The following DDX21 variants were observed in gnomAD, a reference collection of about 807,000 sequenced individuals.
DDX21 encodes the protein nucleolar RNA helicase 2.
DDX21 carries 18 observed loss-of-function variants against 90.0 expected under a neutral mutation model. The ratio of observed to expected loss-of-function variants is 0.20; its 90% CI spans 0.14 to 0.30. The LOEUF (loss-of-function observed/expected upper bound fraction) is 0.30. Among genes scored for constraint, DDX21 ranks in the 10% least tolerant of loss-of-function variants. DDX21 has a pLI of 1.00. For synonymous variants in DDX21, 294 were observed against 318.0 expected, an observed-to-expected ratio of 0.92 and a Z score of 0.80; for missense variants, 673 against 944.5, an observed-to-expected ratio of 0.71 and a Z score of 3.77.
At chr10:68,966,326 C>T (rs775949626) in intron 5 of DDX21, among the ~76,000 whole-genome samples, 6 of 151,732 alleles carry the variant, frequency 4.0e-5, no homozygotes, top group African/African-American at 1.5e-4. Context: ...CTGCCAGCCT[C>T]AGTCTCCCAA....
chr10:68,982,582 G>A lies in DDX21; in HGVS notation c.2122G>A (p.Ala708Thr). Residue 708 changes from alanine (A) to threonine (T), a missense_variant, in exon 15 of 15, where the codon GCC becomes ACC. By Grantham distance (58) the Ala-to-Thr change is moderately conservative (BLOSUM62 0). Around this residue, in one of 4 missense-constraint regions of DDX21, gnomAD observed 225 missense variants for 298.8 expected, o/e 0.75. Coordinates refer to ENST00000354185, the MANE Select transcript of DDX21 (RefSeq NM_004728.4). ...TTCACGACGCTGGCAGCTCTCTGTG[G>A]CCACAGAGCAACCAGAACTGGAAGG... The part of the protein sequence containing the change: ...HDSRRWQLSV[A>T]TEQPELEGPR... The A allele has an allele frequency of 1.9e-6, 3 of 1,613,446 alleles. No homozygotes were observed. The highest frequency in any genetic ancestry group is 1.7e-6 in the Non-Finnish European group (2 of 1,179,460).
Position 68,984,176 on chromosome 10 carries a change from G to A in DDX21, c.*1364G>A, listed in dbSNP as rs1238733908. ...GATTATTTCTGTACTGAGAATCCTG[G>A]AACTACTATGCTAGGAAATTTAAAG... On this transcript the variant is annotated 3_prime_UTR_variant, in exon 15 of 15. Coordinates refer to ENST00000354185, the MANE Select transcript of DDX21 (RefSeq NM_004728.4). 6.6e-6 allele frequency: 1 copy of A among 152,156 alleles called. No individual in the cohort carries two copies. Among genetic ancestry groups the A allele is most frequent in the Non-Finnish European group, 1.5e-5 (1 of 68,032 alleles). The allele number at this position is 152,156 out of a possible 1,614,324, so 9.4% of individuals were successfully genotyped here.
intron 4 of DDX21, among the ~76,000 whole-genome samples, chr10:68,964,461 C>T (rs1284025834): frequency 6.6e-6 from 1 of 152,124 alleles, no homozygotes; most frequent in African/African-American, 2.4e-5. Flanking sequence ...TGTAGCAGTT[C>T]AAGCAATTCT....
In DDX21 at chr10:68,960,391, G is replaced by A. The variant is rs966382494; in HGVS notation, c.531+142G>A. The A allele has an allele frequency of 1.1e-5, 8 of 730,700 alleles. No homozygotes were observed. The East Asian group carries it at 2.4e-4, about 22-fold the overall frequency. The allele number at this position is 730,700 out of a possible 1,614,324, so 45.3% of individuals were successfully genotyped here. On this transcript the variant is annotated intron_variant, in intron 2 of 14. Coordinates refer to ENST00000354185, the MANE Select transcript of DDX21 (RefSeq NM_004728.4). Reference sequence around the variant, plus strand: ...TGTGGGTTGGGGGATACCTTAGGCTGACTGGGACTTCATCTTAAAAATTAG... The same window carrying A: ...TGTGGGTTGGGGGATACCTTAGGCTAACTGGGACTTCATCTTAAAAATTAG...
At chr10:68,959,021 C>CA (rs975565082) in intron 1 of DDX21, among the ~76,000 whole-genome samples, 36 of 151,652 alleles carry the variant, frequency 2.4e-4, no homozygotes, top group African/African-American at 7.0e-4. Flanking sequence ...CTTAAAAAAA[C>CA]AAAAAAAATC....
chr10:68,970,046 C>T (rs1843000215), intron 7 of DDX21, among the ~76,000 whole-genome samples, 155 bp from the exon 8 acceptor site: 1 of 152,090 alleles, frequency 6.6e-6, no homozygotes, highest in African/African-American at 2.4e-5. Context: ...TTTTTTCTGT[C>T]AGTGGTGGCT....
intron 11 of DDX21, among the ~76,000 whole-genome samples, chr10:68,976,224 C>CA (rs1425546488): frequency 1.4e-5 from 2 of 144,308 alleles, no homozygotes; most frequent in East Asian, 2.0e-4. Context: ...GAGACTATCT[C>CA]AAAAAAAAGA....
chr10:68,977,810 G>A (rs1843125155), intron 12 of DDX21, 122 bp downstream of exon 12: 1 of 1,114,176 alleles, frequency 9.0e-7, no homozygotes, highest in Non-Finnish European at 1.2e-6. Flanking sequence ...AGTATTAATT[G>A]TATTTTACAA....
At chr10:68,960,951 T>C (rs530562976) in intron 2 of DDX21, among the ~76,000 whole-genome samples, 1 of 152,280 alleles carries the variant, frequency 6.6e-6, no homozygotes, top group Non-Finnish European at 1.5e-5. Context: ...AAATAAATTA[T>C]TGGAATTACT....
intron 4 of DDX21, chr10:68,964,262 T>C: frequency 3.7e-6 from 1 of 272,062 alleles, no homozygotes; most frequent in South Asian, 3.2e-5. Context: ...AATGCCCATG[T>C]AGTCACTTTG....
In DDX21 at chr10:68,959,925, G is replaced by T; in HGVS notation, c.207G>T (p.Met69Ile). ...KKKAEPSEVD[M>I]NSPKSKKAKK... The stretch of plus-strand genomic sequence containing the variant: ...AAGCAGAGCCTTCTGAAGTTGACAT[G>T]AATTCTCCTAAATCCAAAAAGGCAA... Residue 69 changes from methionine (M) to isoleucine (I), a missense_variant, in exon 2 of 15, where the codon ATG (methionine) becomes ATT (isoleucine). Transcript: ENST00000354185. 6.2e-7 allele frequency: 1 copy of T among 1,609,926 alleles called. No individual in the cohort carries two copies. Among genetic ancestry groups the T allele is most frequent in the South Asian group, 1.1e-5 (1 of 89,154 alleles).
rs1222665891 is a variant in DDX21 at position 68,984,034 on chromosome 10, C to T, written c.*1222C>T. ...AGTTGTTTTGAGGGAACTGAAGAAC[C>T]TGATGTAGCCCCTGGCCAGATAACT... On this transcript the variant is annotated 3_prime_UTR_variant, in exon 15 of 15. Transcript: ENST00000354185. The T allele has an allele frequency of 6.6e-6, 1 of 152,148 alleles. No homozygotes were observed. Among genetic ancestry groups the T allele is most frequent in the African/African-American group, 2.4e-5 (1 of 41,432 alleles). The allele number at this position is 152,148 out of a possible 1,614,324, so 9.4% of individuals were successfully genotyped here. A position where few individuals can be genotyped will look rare whatever the true frequency, so the allele number is the denominator to read the frequency against.
intron 2 of DDX21, among the ~76,000 whole-genome samples, chr10:68,960,977 A>G (rs550186128): frequency 1.3e-3 from 194 of 152,340 alleles, no homozygotes; most frequent in African/African-American, 4.3e-3. Context: ...GGTTGATTGC[A>G]TAAGTCCTTT....
At position 68,982,827 on chromosome 10, in the gene DDX21, T is replaced by C; in HGVS notation, c.*15T>C. Reference sequence around the variant, plus strand: ...TTGGTCAATAATTAGAAATAGAAGATTTATATAGCAAAAAGAGAATGATGT... The same window carrying C: ...TTGGTCAATAATTAGAAATAGAAGACTTATATAGCAAAAAGAGAATGATGT... On this transcript the variant is annotated 3_prime_UTR_variant, in exon 15 of 15. Coordinates refer to ENST00000354185, the MANE Select transcript of DDX21 (RefSeq NM_004728.4). The C allele has an allele frequency of 6.2e-7, 1 of 1,611,858 alleles. No individual in the cohort carries two copies. The highest frequency in any genetic ancestry group is 8.5e-7 in the Non-Finnish European group (1 of 1,178,788).
chr10:68,966,720 C>T (rs1419628382), intron 5 of DDX21, among the ~76,000 whole-genome samples: 3 of 152,030 alleles, frequency 2.0e-5, no homozygotes, highest in Admixed American at 6.6e-5. Flanking sequence ...GGATTACAGG[C>T]GTGACCCACC....
intron 11 of DDX21, among the ~76,000 whole-genome samples, chr10:68,975,758 C>G (rs1843089003): frequency 6.6e-6 from 1 of 151,666 alleles, no homozygotes; most frequent in African/African-American, 2.4e-5. Flanking sequence ...ATAAAAAATA[C>G]AAAAATTAGG....
At position 68,966,624 on chromosome 10, in the gene DDX21, G is replaced by A. The variant is rs560915243; in HGVS notation, c.905-394G>A. On this transcript the variant is annotated intron_variant, in intron 5 of 14. Coordinates refer to ENST00000354185, the MANE Select transcript of DDX21 (RefSeq NM_004728.4). ...CGCCTGGTTAATTTTTGTAGTTTTAGTAAAGATGGTGTTTCACCATGTTGG... is the reference window on the plus strand; with the variant it reads ...CGCCTGGTTAATTTTTGTAGTTTTAATAAAGATGGTGTTTCACCATGTTGG... 2.0e-5 allele frequency among the ~76,000 whole-genome samples: 3 copies of A among 151,708 alleles called. No individual in the cohort carries two copies. The South Asian group carries it at 6.3e-4, about 32-fold the overall frequency.
chr10:68,962,182 G>C (rs565923544), intron 3 of DDX21, 25 bp downstream of exon 3: 13 of 1,524,960 alleles, frequency 8.5e-6, no homozygotes, highest in African/African-American at 1.4e-5. Flanking sequence ...AATATCGTAT[G>C]ATGTTAGAAC....
chr10:68,970,173 A>G (rs1843002401), intron 7 of DDX21, 28 bp from the exon 8 acceptor site: 5 of 1,593,376 alleles, frequency 3.1e-6, no homozygotes, highest in Non-Finnish European at 4.3e-6. Context: ...GCTTTACTAA[A>G]TAGATGTTTT....
Sources: allele counts gnomAD v4.1 joint callset (sites outside exome capture counted in the v4.1 genomes callset), GRCh38; gene constraint gnomAD v4.1.1; regional missense constraint gnomAD v4.1.1; transcripts MANE v1.5; gene names NCBI Gene and HGNC (gene_info 2026-07-23, HGNC 2026-07-21).